The following HRH1 variants were observed in gnomAD, a reference collection of about 807,000 sequenced individuals.
The protein encoded by HRH1 is histamine H1 receptor.
In HRH1, 6 loss-of-function variants were observed where a neutral mutation model predicts 10.3. That is an observed-to-expected ratio of 0.58 (90% CI 0.32 to 1.15). The LOEUF (loss-of-function observed/expected upper bound fraction) is 1.15. HRH1 is among the 50% of genes most tolerant of loss of function. The probability of loss-of-function intolerance (pLI) is 0.05; values close to 1 mark genes in which losing one functional copy is unlikely to be tolerated. For missense variants in HRH1, 514 were observed against 615.3 expected, an observed-to-expected ratio of 0.84 and a Z score of 1.74; for synonymous variants, 242 against 236.7, an observed-to-expected ratio of 1.02 and a Z score of -0.21.
rs1164929592 is a variant in HRH1, at chr3:11,259,155, G to T, written c.118G>T (p.Val40Phe). 6.2e-7 allele frequency: 1 copy of T among 1,613,966 alleles called. No homozygotes were observed. The highest frequency in any genetic ancestry group is 2.2e-5 in the East Asian group (1 of 44,834). The change falls in exon 2 of 2, where the codon GTC becomes TTC. Residue 40 changes from valine (V) to phenylalanine (F), a missense_variant. Val to Phe is a conservative substitution (Grantham distance 50). Coordinates refer to ENST00000431010, the MANE Select transcript of HRH1 (RefSeq NM_001098212.2). This position sits in a 1 kb window ranked among gnomAD's most constrained non-coding sequence, Gnocchi z 4.6. Reference sequence around the variant, plus strand: ...GGTGGTCCTGAGCACTATCTGCTTGGTCACAGTAGGGCTCAACCTGCTGGT... The same window carrying T: ...GGTGGTCCTGAGCACTATCTGCTTGTTCACAGTAGGGCTCAACCTGCTGGT... ...LVVVLSTICL[V>F]TVGLNLLVLY...
chr3:11,224,878 T>G (rs1938832712), intron 1 of HRH1, among the ~76,000 whole-genome samples: 1 of 152,136 alleles, frequency 6.6e-6, no homozygotes, highest in African/African-American at 2.4e-5. Context: ...TTGAATGAGA[T>G]AACACAGGTC....
intron 1 of HRH1, among the ~76,000 whole-genome samples, chr3:11,243,989 C>T (rs1291597607): frequency 1.3e-5 from 2 of 152,154 alleles, no homozygotes; most frequent in African/African-American, 4.8e-5. Context: ...AATTAGGATT[C>T]GAGTTGGCTG....
At chr3:11,198,434 C>A (rs1937760178) in intron 1 of HRH1, among the ~76,000 whole-genome samples, 1 of 152,130 alleles carries the variant, frequency 6.6e-6, no homozygotes, top group Non-Finnish European at 1.5e-5. Context: ...AAATGAATGA[C>A]TGAGAGACCC....
chr3:11,220,776 TC>T (rs1364235792), intron 1 of HRH1, among the ~76,000 whole-genome samples: 1 of 152,194 alleles, frequency 6.6e-6, no homozygotes, highest in Non-Finnish European at 1.5e-5. Context: ...ATTCACTTTT[TC>T]CCCCTGCATT....
chr3:11,167,056 A>C (rs55661243), intron 1 of HRH1, among the ~76,000 whole-genome samples: 6,859 of 37,428 alleles, frequency 0.18, 350 homozygotes, highest in African/African-American at 0.35. Context: ...TCTCCAGACC[A>C]GTGACATCTG....
At chr3:11,232,875 A>G (rs1188820905) in intron 1 of HRH1, among the ~76,000 whole-genome samples, 1 of 152,188 alleles carries the variant, frequency 6.6e-6, no homozygotes, top group East Asian at 1.9e-4. Context: ...TTTATTCCTT[A>G]TAGATATTTT....
chr3:11,233,291 G>A (rs1939091323), intron 1 of HRH1, among the ~76,000 whole-genome samples: 1 of 151,958 alleles, frequency 6.6e-6, no homozygotes, highest in African/African-American at 2.4e-5. Context: ...TTGTTTGTTT[G>A]TTTATTATCT....
chr3:11,165,437 A>T (rs1937011924), intron 1 of HRH1, among the ~76,000 whole-genome samples: 1 of 152,222 alleles, frequency 6.6e-6, no homozygotes, highest in South Asian at 2.1e-4. Flanking sequence ...TCTGATATTA[A>T]GTGCTCCCCA....
At chr3:11,200,636 C>G (rs1398430057) in intron 1 of HRH1, among the ~76,000 whole-genome samples, 1 of 152,222 alleles carries the variant, frequency 6.6e-6, no homozygotes, top group African/African-American at 2.4e-5. Context: ...TCTGCATCCC[C>G]ACACTTATAC....
intron 1 of HRH1, among the ~76,000 whole-genome samples, chr3:11,144,697 T>G (rs1936392387): frequency 6.6e-6 from 1 of 151,606 alleles, no homozygotes; most frequent in South Asian, 2.1e-4. Context: ...CAGTTCTGAC[T>G]AAAGCAAAAG....
chr3:11,144,018 C>T (rs1049228968), intron 1 of HRH1, among the ~76,000 whole-genome samples: 1 of 152,080 alleles, frequency 6.6e-6, no homozygotes, highest in African/African-American at 2.4e-5. Context: ...TTACACCAGT[C>T]AGAACGGCTA....
At chr3:11,236,753 A>G (rs1939191358) in intron 1 of HRH1, among the ~76,000 whole-genome samples, 3 of 152,220 alleles carry the variant, frequency 2.0e-5, no homozygotes, top group Non-Finnish European at 4.4e-5. Flanking sequence ...GTATATAAAT[A>G]CCCTGGCCCC....
chr3:11,146,718 T>C (rs1936455120), intron 1 of HRH1, among the ~76,000 whole-genome samples: 1 of 152,156 alleles, frequency 6.6e-6, no homozygotes, highest in African/African-American at 2.4e-5. Flanking sequence ...ACCTCAGCAC[T>C]TCCTAGGCGG....
intron 1 of HRH1, among the ~76,000 whole-genome samples, chr3:11,223,474 G>A (rs1342082972): frequency 6.7e-6 from 1 of 148,260 alleles, no homozygotes. Context: ...GCTCCAGCCT[G>A]GGCGACAGAG....
At chr3:11,240,128 G>A (rs1024149945) in intron 1 of HRH1, among the ~76,000 whole-genome samples, 1 of 152,008 alleles carries the variant, frequency 6.6e-6, no homozygotes, top group Admixed American at 6.6e-5. Flanking sequence ...TGAAATGATG[G>A]TTCTCAGAGA....
chr3:11,235,674 A>G (rs1365859133), intron 1 of HRH1, among the ~76,000 whole-genome samples: 5 of 152,280 alleles, frequency 3.3e-5, no homozygotes, highest in African/African-American at 1.2e-4. Flanking sequence ...CGGGGACGCC[A>G]CCCCAGCAAG....
At chr3:11,171,205 T>C (rs953539405) in intron 1 of HRH1, among the ~76,000 whole-genome samples, 2 of 151,630 alleles carry the variant, frequency 1.3e-5, no homozygotes, top group African/African-American at 2.4e-5. Context: ...TAACCTTCTA[T>C]ACCTGGGTTC....
At chr3:11,223,159 T>TG (rs1442882028) in intron 1 of HRH1, among the ~76,000 whole-genome samples, 8 of 112,646 alleles carry the variant, frequency 7.1e-5, no homozygotes, top group East Asian at 3.1e-4. Flanking sequence ...CACTCCAGCC[T>TG]GGCGACAAAG....
At chr3:11,250,038 T>TTTTA (rs1939601840) in intron 1 of HRH1, among the ~76,000 whole-genome samples, 1 of 120,674 alleles carries the variant, frequency 8.3e-6, no homozygotes, top group African/African-American at 3.3e-5. Context: ...TTTTCTCTTT[T>TTTTA]TTTTTTTTTT....
Sources: allele counts gnomAD v4.1 joint callset (sites outside exome capture counted in the v4.1 genomes callset), GRCh38; gene constraint gnomAD v4.1.1; non-coding constraint Gnocchi (gnomAD v3.1); transcripts MANE v1.5; gene names NCBI Gene and HGNC (gene_info 2026-07-23, HGNC 2026-07-21).